The following CNTN3 variants were observed in gnomAD, a reference collection of about 807,000 sequenced individuals.
CNTN3 encodes the protein contactin-3.
A neutral mutation model predicts 119.1 loss-of-function variants in CNTN3; 60 were observed. The observed-to-expected ratio is 0.50, with a 90% CI of 0.41 to 0.62. The LOEUF is 0.62. Ranked by LOEUF, CNTN3 falls within the 20% of genes least tolerant of loss-of-function variation. The probability of loss-of-function intolerance (pLI) is 0.00; values close to 1 mark genes in which losing one functional copy is unlikely to be tolerated. For missense variants in CNTN3, 1,101 were observed against 1,242.4 expected, an observed-to-expected ratio of 0.89 and a Z score of 1.71; for synonymous variants, 450 against 438.7, an observed-to-expected ratio of 1.03 and a Z score of -0.32.
intron 4 of CNTN3, among the ~76,000 whole-genome samples, chr3:74,457,762 T>C (rs1453864177): frequency 1.3e-5 from 2 of 152,012 alleles, no homozygotes; most frequent in East Asian, 3.9e-4. Flanking sequence ...AAATGTTGCA[T>C]GGCTCAGAGG....
chr3:74,316,103 G>A (rs1226437245), intron 13 of CNTN3, among the ~76,000 whole-genome samples: 1 of 152,104 alleles, frequency 6.6e-6, no homozygotes, highest in African/African-American at 2.4e-5. Flanking sequence ...TCCAATAAAT[G>A]TCTAAGATTC....
intron 1 of CNTN3, among the ~76,000 whole-genome samples, chr3:74,579,234 A>T (rs2106664536): frequency 6.6e-6 from 1 of 152,176 alleles, no homozygotes; most frequent in Non-Finnish European, 1.5e-5. Flanking sequence ...GCACCTAACA[A>T]CAATGCTTCA....
chr3:74,480,230 TC>T (rs1323672824), intron 4 of CNTN3, among the ~76,000 whole-genome samples: 1 of 152,128 alleles, frequency 6.6e-6, no homozygotes, highest in Non-Finnish European at 1.5e-5. Context: ...AAAATTTGTA[TC>T]CTCTGTGAAG....
chr3:74,425,861 C>A (rs960355524), intron 4 of CNTN3, among the ~76,000 whole-genome samples: 1 of 152,100 alleles, frequency 6.6e-6, no homozygotes, highest in East Asian at 1.9e-4. Flanking sequence ...TATATTGTCA[C>A]TGAAAATTAC....
chr3:74,543,288 C>T (rs902971118), intron 1 of CNTN3, among the ~76,000 whole-genome samples: 2 of 152,236 alleles, frequency 1.3e-5, no homozygotes, highest in South Asian at 2.1e-4. Flanking sequence ...TTAAAACTAG[C>T]GTATCATTTA....
At chr3:74,575,935 G>A (rs1008187149) in intron 1 of CNTN3, among the ~76,000 whole-genome samples, 6 of 151,900 alleles carry the variant, frequency 3.9e-5, no homozygotes, top group East Asian at 1.9e-4. Context: ...AAGGATGGCC[G>A]ACCTGGAACC....
At chr3:74,286,300 T>C (rs1246748902) in intron 19 of CNTN3, among the ~76,000 whole-genome samples, 2 of 152,128 alleles carry the variant, frequency 1.3e-5, no homozygotes, top group Non-Finnish European at 2.9e-5. Context: ...GAAGATGAGC[T>C]GGAATACGCT....
intron 4 of CNTN3, among the ~76,000 whole-genome samples, chr3:74,484,426 A>C (rs1250454832): frequency 6.6e-6 from 1 of 152,116 alleles, no homozygotes; most frequent in Non-Finnish European, 1.5e-5. Flanking sequence ...AGATGAAAAG[A>C]ATTTCAAAGA....
At chr3:74,582,358 A>G (rs1704525504) in intron 1 of CNTN3, among the ~76,000 whole-genome samples, 1 of 152,114 alleles carries the variant, frequency 6.6e-6, no homozygotes, top group South Asian at 2.1e-4. Context: ...GTGAGCCAAG[A>G]TCACGCCACT....
intron 1 of CNTN3, among the ~76,000 whole-genome samples, chr3:74,522,138 C>T (rs1020229817): frequency 6.6e-5 from 10 of 151,738 alleles, no homozygotes; most frequent in African/African-American, 1.5e-4. Flanking sequence ...ATATTATGTA[C>T]GTCCCAAATA....
intron 1 of CNTN3, among the ~76,000 whole-genome samples, chr3:74,587,816 A>G (rs1575849135): frequency 1.3e-5 from 2 of 152,144 alleles, no homozygotes; most frequent in East Asian, 3.9e-4. Context: ...CCCTGGCCAG[A>G]ACTTCCAACA....
chr3:74,530,928 C>T (rs1243652421), intron 1 of CNTN3, among the ~76,000 whole-genome samples: 1 of 151,900 alleles, frequency 6.6e-6, no homozygotes, highest in African/African-American at 2.4e-5. Context: ...AACGCCAGTT[C>T]TGCACTTCTA....
At chr3:74,343,732 ACTTGACTG>A (rs1703605198) in intron 11 of CNTN3, among the ~76,000 whole-genome samples, 1 of 152,170 alleles carries the variant, frequency 6.6e-6, no homozygotes, top group Non-Finnish European at 1.5e-5. Context: ...TATTTTTGAA[ACTTGACTG>A]TGTACCAGTT....
intron 4 of CNTN3, among the ~76,000 whole-genome samples, chr3:74,455,017 C>G (rs562205453): frequency 3.9e-5 from 6 of 151,966 alleles, no homozygotes; most frequent in African/African-American, 9.7e-5. Flanking sequence ...GTATCTTTGT[C>G]GTGTTCTCTT....
At chr3:74,351,249 A>G (rs1203269602) in intron 11 of CNTN3, among the ~76,000 whole-genome samples, 1 of 152,232 alleles carries the variant, frequency 6.6e-6, no homozygotes, top group Admixed American at 6.5e-5. Context: ...GGGGTCCCAC[A>G]GAATGTGAGA....
chr3:74,424,767 T>C lies in CNTN3; in HGVS notation c.454+78A>G, dbSNP rs1701669259. Reference sequence around the variant, plus strand: ...CAAGTTTCTCAGAGTAATTTACAGATGCAATAACAGTACATGCGCTGCAGG... The same window carrying C: ...CAAGTTTCTCAGAGTAATTTACAGACGCAATAACAGTACATGCGCTGCAGG... On this transcript the variant is annotated intron_variant, in intron 5 of 22. Coordinates refer to ENST00000263665, the MANE Select transcript of CNTN3 (RefSeq NM_020872.3). The C allele has an allele frequency of 6.1e-6, 7 of 1,149,026 alleles. No homozygotes were observed. The African/African-American group carries it at 9.1e-5, about 15-fold the overall frequency. 71.2% of individuals were successfully genotyped at this position (1,149,026 alleles called of 1,614,324 possible). A position where few individuals can be genotyped will look rare whatever the true frequency, so the allele number is the denominator to read the frequency against.
chr3:74,416,556 T>G (rs1166249919), intron 5 of CNTN3, among the ~76,000 whole-genome samples: 1 of 152,110 alleles, frequency 6.6e-6, no homozygotes, highest in African/African-American at 2.4e-5. Context: ...AGCAGGGTGG[T>G]GCTTAAAAAG....
At chr3:74,561,169 G>T (rs1704147523) in intron 1 of CNTN3, among the ~76,000 whole-genome samples, 1 of 147,890 alleles carries the variant, frequency 6.8e-6, no homozygotes, top group African/African-American at 2.6e-5. Flanking sequence ...AGAACTTAAA[G>T]CATAATAAAA....
At chr3:74,477,547 C>T (rs1232327950) in intron 4 of CNTN3, among the ~76,000 whole-genome samples, 2 of 151,950 alleles carry the variant, frequency 1.3e-5, no homozygotes, top group East Asian at 3.9e-4. Context: ...AACTCATGGG[C>T]TTAAATAAGG....
Sources: allele counts gnomAD v4.1 joint callset (sites outside exome capture counted in the v4.1 genomes callset), GRCh38; gene constraint gnomAD v4.1.1; transcripts MANE v1.5; gene names NCBI Gene and HGNC (gene_info 2026-07-23, HGNC 2026-07-21).